Variants in SLC22A2 observed in about 807,000 individuals in gnomAD.
SLC22A2 encodes solute carrier family 22 member 2, also known as organic cation transporter 2.
A neutral mutation model predicts 60.5 loss-of-function variants in SLC22A2; 46 were observed. The observed-to-expected ratio is 0.76, with a 90% CI of 0.60 to 0.97. The LOEUF is 0.97. Ranked by LOEUF, SLC22A2 falls within the 50% of genes least tolerant of loss-of-function variation. The pLI is 0.00. For synonymous variants in SLC22A2, 303 were observed against 267.0 expected (o/e 1.13, Z -1.31); for missense variants, 701 against 706.6 (o/e 0.99, Z 0.09).
At chr6:160,240,853 G>T (rs559773340) in intron 9 of SLC22A2, among the ~76,000 whole-genome samples, 4 of 152,170 alleles carry the variant, frequency 2.6e-5, no homozygotes, top group Non-Finnish European at 4.4e-5. Context: ...AACCAGAGAA[G>T]GCTCAGTGCT....
In SLC22A2 at chr6:160,250,467, C is replaced by G. The variant is rs774381445; in HGVS notation, c.673+81G>C. ...ATTGTCTTGAAGCTGGGTCCCTTTT[C>G]TTGCATGCCGCCCCCCACCTGACTC... On this transcript the variant is annotated intron_variant, in intron 3 of 10. Coordinates refer to ENST00000366953, the MANE Select transcript of SLC22A2 (RefSeq NM_003058.4). 6 of 1,376,514 alleles carry G rather than the reference C, an allele frequency of 4.4e-6. No individual in the cohort carries two copies. The South Asian group carries it at 7.0e-5, about 16-fold the overall frequency. The allele number at this position is 1,376,514 out of a possible 1,614,324, so 85.3% of individuals were successfully genotyped here.
At chr6:160,253,351 AG>A (rs1783218003) in intron 2 of SLC22A2, among the ~76,000 whole-genome samples, 1 of 152,218 alleles carries the variant, frequency 6.6e-6, no homozygotes, top group South Asian at 2.1e-4. Context: ...TTCTAGGAAA[AG>A]GGTGGTAACT....
intron 10 of SLC22A2, among the ~76,000 whole-genome samples, chr6:160,219,375 C>A (rs1299758614): frequency 6.6e-6 from 1 of 150,434 alleles, no homozygotes; most frequent in East Asian, 2.1e-4. Flanking sequence ...ATAGCAGCAG[C>A]AACAACAGCA....
rs1362576681 is a variant in SLC22A2, at chr6:160,247,286, C to T, written c.855G>A (p.Glu285=). 1 of 1,598,372 alleles carries T rather than the reference C, an allele frequency of 6.3e-7. No homozygotes were observed. Among genetic ancestry groups the T allele is most frequent in the African/African-American group, 1.3e-5 (1 of 74,600 alleles). The part of the protein sequence containing the change: ...FFLLYYWCIP[E]SPRWLISQNK... ...TCTGGGAGATCAGCCACCTGGGAGA[C>T]TCAGGTATGCACCTAGGGTACAAGG... Residue 285 remains glutamate, a synonymous_variant, in exon 5 of 11, where the codon GAG becomes GAA. Coordinates refer to ENST00000366953, the MANE Select transcript of SLC22A2 (RefSeq NM_003058.4).
intron 7 of SLC22A2, 148 bp downstream of exon 7, chr6:160,243,424 T>A (rs1348798743): frequency 4.7e-6 from 3 of 642,582 alleles, no homozygotes; most frequent in Non-Finnish European, 8.1e-6. Context: ...CATATGAATT[T>A]GCTCAGAAGG....
In SLC22A2 at chr6:160,243,654, G is replaced by A. The variant is rs754066133; in HGVS notation, c.1197C>T (p.Asp399=). 11 of 1,614,046 alleles carry A rather than the reference G, an allele frequency of 6.8e-6. No individual in the cohort carries two copies. The highest frequency in any genetic ancestry group is 9.3e-6 in the Non-Finnish European group (11 of 1,179,954). ...CCCAAGGGTAACGGCGTCCGATGCG[G>A]TCGATGGTGAGGATGATCATGAAGG... ...PAAFMIILTI[D]RIGRRYPWAA... is the part of the protein sequence containing the mutation. The change falls in exon 7 of 11, where the codon GAC becomes GAT. Residue 399 remains aspartate (D), a synonymous_variant. Transcript: ENST00000366953.
At chr6:160,256,863 C>T in intron 1 of SLC22A2, 146 bp from the exon 2 acceptor site, 1 of 573,692 alleles carries the variant, frequency 1.7e-6, no homozygotes, top group South Asian at 2.2e-5. Context: ...GCCATTGTTT[C>T]TTGATCATGC....
At chr6:160,234,850 T>C (rs1583394352) in intron 9 of SLC22A2, among the ~76,000 whole-genome samples, 1 of 152,332 alleles carries the variant, frequency 6.6e-6, no homozygotes, top group South Asian at 2.1e-4. Context: ...TGGCCCAGGG[T>C]TCAATCCTGG....
intron 9 of SLC22A2, among the ~76,000 whole-genome samples, chr6:160,234,480 AG>A (rs1782878954): frequency 6.6e-6 from 1 of 152,104 alleles, no homozygotes; most frequent in African/African-American, 2.4e-5. Flanking sequence ...CTGCCACAGG[AG>A]GAGCTGCCCC....
chr6:160,233,411 T>C (rs578172667), intron 9 of SLC22A2, among the ~76,000 whole-genome samples: 1 of 151,834 alleles, frequency 6.6e-6, no homozygotes, highest in African/African-American at 2.4e-5. Context: ...CCCCTTATCA[T>C]CCTCAATCTT....
At chr6:160,244,066 T>C (rs1449932769) in intron 6 of SLC22A2, 4 of 361,738 alleles carry the variant, frequency 1.1e-5, no homozygotes, top group Non-Finnish European at 2.0e-5. Context: ...CCAAGAAGAA[T>C]GTCTTAATGG....
At chr6:160,223,905 CT>C (rs1353654787) in intron 10 of SLC22A2, among the ~76,000 whole-genome samples, 1 of 151,642 alleles carries the variant, frequency 6.6e-6, no homozygotes, top group Non-Finnish European at 1.5e-5. Context: ...TTTTTTTGTA[CT>C]TTTTTAGTAG....
chr6:160,224,291 A>ATTTTTTTTTT (rs10666190), intron 10 of SLC22A2, among the ~76,000 whole-genome samples: 1 of 148,406 alleles, frequency 6.7e-6, no homozygotes. Context: ...CAAATCTGTT[A>ATTTTTTTTTT]TTTTTTTTTT....
chr6:160,242,382 TA>T lies in SLC22A2; in HGVS notation c.1299del (p.Ile434LeufsTer16). On this transcript the variant is annotated frameshift_variant, in exon 8 of 11. Coordinates refer to ENST00000366953, the MANE Select transcript of SLC22A2 (RefSeq NM_003058.4). LOFTEE classifies it high-confidence loss of function. Reference sequence around the variant, plus strand: ...CCCATTCTTCCCAAGCATGAGATAATAATTTTTAGCCATTGTAGATCTAAGA... The same window carrying T: ...CCCATTCTTCCCAAGCATGAGATAATATTTTTAGCCATTGTAGATCTAAGA... ...FIPGDLQWLK[I>X]IISCLGRMGI... 6.2e-7 allele frequency: 1 copy of T among 1,600,464 alleles called. No homozygotes were observed. The highest frequency in any genetic ancestry group is 8.6e-7 in the Non-Finnish European group (1 of 1,167,572).
chr6:160,258,396 G>C lies in SLC22A2; in HGVS notation c.362C>G (p.Pro121Arg), dbSNP rs773192589. The C allele has an allele frequency of 1.3e-4, 208 of 1,613,848 alleles. No homozygotes were observed. The highest frequency in any genetic ancestry group is 1.6e-4 in the Non-Finnish European group (194 of 1,179,988). ...CTCGTACACCCAGCCGTCCCGGCAG[G>C]GGCCCAGTGGCAGGCGGCTCCTGTT... is the stretch of plus-strand genomic sequence containing the variant. ...DTNRSRLPLG[P>R]CRDGWVYETP... Residue 121 changes from proline to arginine, a missense_variant, in exon 1 of 11, where the codon CCC becomes CGC. By Grantham distance (103) the Pro-to-Arg change is moderately radical. Transcript: ENST00000366953.
chr6:160,245,325 T>G, intron 6 of SLC22A2, 114 bp downstream of exon 6: 1 of 572,214 alleles, frequency 1.7e-6, no homozygotes, highest in Non-Finnish European at 3.0e-6. Context: ...CCCACATTGC[T>G]GCCCACCGTC....
intron 10 of SLC22A2, among the ~76,000 whole-genome samples, chr6:160,219,003 TAGCAGCAACACC>T: frequency 5.8e-5 from 1 of 17,344 alleles, no homozygotes; most frequent in African/African-American, 2.7e-4. Context: ...GCAACAACAG[TAGCAGCAACACC>T]AGCAGCAGTA....
chr6:160,241,010 C>A (rs981016622), intron 9 of SLC22A2, among the ~76,000 whole-genome samples: 1 of 151,112 alleles, frequency 6.6e-6, no homozygotes, highest in Non-Finnish European at 1.5e-5. Context: ...TTTGAAATTG[C>A]CTTTTGCAAA....
chr6:160,243,609 T>G lies in SLC22A2; in HGVS notation c.1242A>C (p.Ala414=), dbSNP rs1179234255. The G allele has an allele frequency of 6.2e-7, 1 of 1,613,900 alleles. No homozygotes were observed. The highest frequency in any genetic ancestry group is 1.3e-5 in the African/African-American group (1 of 74,898). The change falls in exon 7 of 11, where the codon GCA becomes GCC. Residue 414 remains alanine, a synonymous_variant. Coordinates refer to ENST00000366953, the MANE Select transcript of SLC22A2 (RefSeq NM_003058.4). ...AAACTGAGGCCAGACAGGCTGCCCC[T>G]GCAACCATATTTGATGCAGCCCAAG... ...RYPWAASNMV[A]GAACLASVFI... is the part of the protein sequence containing the mutation.
Sources: allele counts gnomAD v4.1 joint callset (sites outside exome capture counted in the v4.1 genomes callset), GRCh38; gene constraint gnomAD v4.1.1; transcripts MANE v1.5; gene names NCBI Gene and HGNC (gene_info 2026-07-23, HGNC 2026-07-21).